The following TNRC6A variants were observed in gnomAD, a reference collection of about 807,000 sequenced individuals.
TNRC6A encodes trinucleotide repeat-containing gene 6A protein.
A neutral mutation model predicts 221.2 loss-of-function variants in TNRC6A; 44 were observed. The observed-to-expected ratio is 0.20, with a 90% CI of 0.16 to 0.26. The LOEUF (loss-of-function observed/expected upper bound fraction) is 0.26, where lower values mean the gene tolerates loss of function less well. Ranked by LOEUF, TNRC6A falls within the 10% of genes least tolerant of loss-of-function variation. The pLI is 1.00. For synonymous variants in TNRC6A, 847 were observed against 838.5 expected (o/e 1.01, Z -0.18); for missense variants, 2,199 against 2,404.4 (o/e 0.91, Z 1.79).
In TNRC6A at chr16:24,743,265, TA is replaced by T. The variant is rs543875567; in HGVS notation, c.54-7460del. On this transcript the variant is annotated intron_variant, in intron 2 of 24. Coordinates refer to ENST00000395799, the MANE Select transcript of TNRC6A (RefSeq NM_014494.4). ...GTTTCTGTCCTTATGGTGGAGTATC[TA>T]TTGTTTTCTAAGTTTCTAAACTCAC... 1.8e-3 allele frequency among the ~76,000 whole-genome samples: 269 copies of T among 152,318 alleles called. 2 individuals carry two copies. Among genetic ancestry groups the T allele is most frequent in the Non-Finnish European group, 2.4e-3 (162 of 68,032 alleles).
intron 2 of TNRC6A, among the ~76,000 whole-genome samples, chr16:24,684,088 G>A (rs1354927654): frequency 1.3e-5 from 2 of 152,204 alleles, no homozygotes; most frequent in African/African-American, 2.4e-5. Flanking sequence ...TAATGAATGG[G>A]TGTGACTGTA....
At chr16:24,688,264 T>C (rs1478070477) in intron 2 of TNRC6A, among the ~76,000 whole-genome samples, 1 of 152,112 alleles carries the variant, frequency 6.6e-6, no homozygotes, top group African/African-American at 2.4e-5. Context: ...TCTTAGCTAG[T>C]AGGTGAAACC....
At chr16:24,805,364 C>G in intron 14 of TNRC6A, 1 of 951,034 alleles carries the variant, frequency 1.1e-6, no homozygotes, top group Non-Finnish European at 1.5e-6. Context: ...TTAAAACATT[C>G]TTGAGAGTAG....
chr16:24,709,824 C>CAA (rs60844823), intron 2 of TNRC6A, among the ~76,000 whole-genome samples: 94 of 103,724 alleles, frequency 9.1e-4, no homozygotes, highest in Non-Finnish European at 7.5e-4. Context: ...GACCCTGTCT[C>CAA]AAAAAAAAAA....
chr16:24,805,242 T>C (rs772462100), intron 14 of TNRC6A, 91 bp downstream of exon 14: 138 of 1,510,218 alleles, frequency 9.1e-5, no homozygotes, highest in Middle Eastern at 8.7e-4. Flanking sequence ...CTAAGCATTA[T>C]CATATTTATT....
At chr16:24,745,808 C>A (rs1422882573) in intron 2 of TNRC6A, among the ~76,000 whole-genome samples, 4 of 90,110 alleles carry the variant, frequency 4.4e-5, no homozygotes, top group South Asian at 7.2e-4. Context: ...CCCCCCCCCC[C>A]AGCTAATTGT....
At chr16:24,618,392 A>G (rs1317127120) in intron 1 of TNRC6A, among the ~76,000 whole-genome samples, 1 of 152,164 alleles carries the variant, frequency 6.6e-6, no homozygotes, top group Non-Finnish European at 1.5e-5. Context: ...ACTATTTGTC[A>G]AATAAATGTG....
chr16:24,626,649 CTTTTTT>C (rs5816260), intron 1 of TNRC6A, among the ~76,000 whole-genome samples: 6 of 126,938 alleles, frequency 4.7e-5, no homozygotes, highest in Admixed American at 8.4e-5. Flanking sequence ...GATACTATTT[CTTTTTT>C]TTTTTTTTTT....
intron 1 of TNRC6A, among the ~76,000 whole-genome samples, chr16:24,630,690 G>C (rs781703198): frequency 6.6e-6 from 1 of 152,096 alleles, no homozygotes; most frequent in African/African-American, 2.4e-5. Flanking sequence ...GCCTCATGCT[G>C]TAGGGAGCCC....
chr16:24,611,065 G>A (rs1304937838), intron 1 of TNRC6A, among the ~76,000 whole-genome samples: 1 of 152,044 alleles, frequency 6.6e-6, no homozygotes, highest in Non-Finnish European at 1.5e-5. Flanking sequence ...TCCCCGCCTT[G>A]GCCTCCGAAA....
At chr16:24,713,127 A>G (rs2056238985) in intron 2 of TNRC6A, among the ~76,000 whole-genome samples, 1 of 152,060 alleles carries the variant, frequency 6.6e-6, no homozygotes, top group South Asian at 2.1e-4. Context: ...TGCAGGTAAT[A>G]AAAAATCTCA....
intron 1 of TNRC6A, among the ~76,000 whole-genome samples, chr16:24,614,294 C>T (rs577567830): frequency 2.6e-4 from 40 of 152,360 alleles, no homozygotes; most frequent in African/African-American, 9.6e-4. Context: ...TGGGCCTAGA[C>T]AAGTTACGTA....
At chr16:24,618,642 A>ATT (rs61228496) in intron 1 of TNRC6A, among the ~76,000 whole-genome samples, 957 of 88,060 alleles carry the variant, frequency 0.011, 36 homozygotes, top group Non-Finnish European at 0.017. Flanking sequence ...CATTTCATGA[A>ATT]TTTTTTTTTT....
At chr16:24,674,234 A>AT (rs2055362603) in intron 2 of TNRC6A, among the ~76,000 whole-genome samples, 1 of 151,668 alleles carries the variant, frequency 6.6e-6, no homozygotes, top group African/African-American at 2.4e-5. Flanking sequence ...CACGCCAGCT[A>AT]TTTTTTTATT....
intron 4 of TNRC6A, among the ~76,000 whole-genome samples, chr16:24,760,766 A>T (rs1431374744): frequency 6.6e-6 from 1 of 152,198 alleles, no homozygotes; most frequent in Non-Finnish European, 1.5e-5. Flanking sequence ...TTTACAAAAA[A>T]GTTGGAAAGA....
chr16:24,666,639 GAAAAAAAAAAAAAA>G (rs1164353374), intron 2 of TNRC6A, among the ~76,000 whole-genome samples: 6 of 31,508 alleles, frequency 1.9e-4, no homozygotes, highest in Admixed American at 6.0e-4. Flanking sequence ...CTGTCTTAGA[GAAAAAAAAAAAAAA>G]AAAAAAAAAA....
intron 2 of TNRC6A, among the ~76,000 whole-genome samples, chr16:24,654,761 C>T (rs1902871857): frequency 6.6e-6 from 1 of 151,894 alleles, no homozygotes; most frequent in Admixed American, 6.6e-5. Flanking sequence ...AAACACACAA[C>T]AACAGAAAAG....
chr16:24,687,156 G>C (rs142261097), intron 2 of TNRC6A, among the ~76,000 whole-genome samples: 1,575 of 152,232 alleles, frequency 0.01, 14 homozygotes, highest in Non-Finnish European at 0.015. Context: ...GGAGATACTA[G>C]GTCTCCCTAG....
At chr16:24,664,769 TCACACACACACACACACACA>T (rs149786252) in intron 2 of TNRC6A, 22,702 of 301,346 alleles carry the variant, frequency 0.075, 938 homozygotes, top group East Asian at 0.3. Flanking sequence ...AATCCCCAAA[TCACACACACACACACACACA>T]CACACACACA....
Sources: allele counts gnomAD v4.1 joint callset (sites outside exome capture counted in the v4.1 genomes callset), GRCh38; gene constraint gnomAD v4.1.1; transcripts MANE v1.5; gene names NCBI Gene and HGNC (gene_info 2026-07-23, HGNC 2026-07-21).